Variants in SOX5 observed in about 807,000 individuals in gnomAD.
SOX5 encodes transcription factor SOX-5.
Under a neutral mutation model 92.0 loss-of-function variants are expected in SOX5, and 9 were observed. The ratio of observed to expected loss-of-function variants is 0.10; its 90% CI spans 0.06 to 0.17. The LOEUF (loss-of-function observed/expected upper bound fraction) is 0.17, where lower values mean the gene tolerates loss of function less well. Ranked by LOEUF, SOX5 falls within the 10% of genes least tolerant of loss-of-function variation. SOX5 has a pLI of 1.00. For synonymous variants in SOX5, 344 were observed against 336.3 expected, an observed-to-expected ratio of 1.02 and a Z score of -0.25; for missense variants, 642 against 944.5, an observed-to-expected ratio of 0.68 and a Z score of 4.20.
At chr12:23,772,788 C>G (rs2094975619) in intron 3 of SOX5, among the ~76,000 whole-genome samples, 1 of 152,098 alleles carries the variant, frequency 6.6e-6, no homozygotes, top group Non-Finnish European at 1.5e-5. Flanking sequence ...AAGTGAGGTA[C>G]CTCAATATAC....
At chr12:24,033,738 G>A (rs1955738266) in intron 4 of SOX5, among the ~76,000 whole-genome samples, 1 of 151,990 alleles carries the variant, frequency 6.6e-6, no homozygotes, top group Admixed American at 6.6e-5. Context: ...AAATCCGTCT[G>A]TAGGTAGAAC....
At chr12:24,099,245 T>G (rs544677007) in intron 4 of SOX5, among the ~76,000 whole-genome samples, 116 of 152,320 alleles carry the variant, frequency 7.6e-4, no homozygotes, top group African/African-American at 2.7e-3. Context: ...CTTGGAATTG[T>G]TGGCCCTACC....
At chr12:24,234,336 T>G (rs1964016439) in intron 3 of SOX5, among the ~76,000 whole-genome samples, 3 of 152,204 alleles carry the variant, frequency 2.0e-5, no homozygotes, top group African/African-American at 7.2e-5. Flanking sequence ...TTTCAATCAG[T>G]AGAATGTAAA....
At chr12:24,131,180 T>A (rs1476599785) in intron 4 of SOX5, among the ~76,000 whole-genome samples, 1 of 152,206 alleles carries the variant, frequency 6.6e-6, no homozygotes, top group Non-Finnish European at 1.5e-5. Context: ...CCAGAAAGCA[T>A]AAAATGTTCT....
chr12:23,554,226 T>A (rs1157685243), intron 11 of SOX5, among the ~76,000 whole-genome samples: 1 of 152,052 alleles, frequency 6.6e-6, no homozygotes, highest in Non-Finnish European at 1.5e-5. Flanking sequence ...TGGTTCTTTC[T>A]CCAGTGATGG....
At chr12:24,514,230 T>G (rs4614552) in intron 1 of SOX5, among the ~76,000 whole-genome samples, 76,573 of 152,022 alleles carry the variant, frequency 0.5, 20,512 homozygotes, top group East Asian at 0.89. Flanking sequence ...AGTTTCTATT[T>G]TAGTCTTACA....
At chr12:24,204,929 G>A (rs1957875259) in intron 4 of SOX5, among the ~76,000 whole-genome samples, 1 of 152,046 alleles carries the variant, frequency 6.6e-6, no homozygotes. Flanking sequence ...TAAGGAAAAG[G>A]TTTACATAAA....
intron 1 of SOX5, among the ~76,000 whole-genome samples, chr12:24,549,639 G>T (rs1159979358): frequency 1.3e-5 from 2 of 152,104 alleles, no homozygotes; most frequent in Non-Finnish European, 2.9e-5. Flanking sequence ...AGATAGTTTG[G>T]GAGTCATCTG....
intron 4 of SOX5, among the ~76,000 whole-genome samples, chr12:24,139,027 C>T (rs1379962792): frequency 1.3e-5 from 2 of 152,122 alleles, no homozygotes; most frequent in Non-Finnish European, 1.5e-5. Flanking sequence ...CTGCGAAACA[C>T]CAGACAACAG....
rs987599815 is a variant in SOX5, at chr12:24,009,800, C to T, written c.-1-113776G>A. Among the ~76,000 whole-genome samples the T allele has an allele frequency of 4.6e-5, 7 of 152,202 alleles. 1 individual carries two copies. Among genetic ancestry groups the T allele is most frequent in the Admixed American group, 4.6e-4 (7 of 15,282 alleles). The stretch of plus-strand genomic sequence containing the variant: ...ATTTAAGAATATGTTTAAATCTGTG[C>T]TTGGTCAAAATGGTATTGGGTTCCC... On this transcript the variant is annotated intron_variant, in intron 4 of 4. Coordinates refer to the SOX5 transcript ENST00000446891.
At chr12:24,167,004 T>C (rs895923337) in intron 4 of SOX5, among the ~76,000 whole-genome samples, 1 of 152,204 alleles carries the variant, frequency 6.6e-6, no homozygotes, top group African/African-American at 2.4e-5. Flanking sequence ...GAGGAAAATA[T>C]GCTTTTGAAG....
intron 7 of SOX5, among the ~76,000 whole-genome samples, chr12:23,663,958 C>G (rs964561603): frequency 1.3e-5 from 2 of 151,932 alleles, no homozygotes; most frequent in African/African-American, 4.8e-5. Context: ...CCATTTAAAA[C>G]GCAGGACACC....
chr12:24,186,191 A>C (rs996535805), intron 4 of SOX5, among the ~76,000 whole-genome samples: 1 of 152,194 alleles, frequency 6.6e-6, no homozygotes, highest in African/African-American at 2.4e-5. Flanking sequence ...CAACAAAAAA[A>C]CAACACTGGA....
intron 1 of SOX5, among the ~76,000 whole-genome samples, chr12:24,539,030 T>A (rs1459292996): frequency 2.0e-5 from 3 of 152,122 alleles, no homozygotes; most frequent in African/African-American, 7.2e-5. Flanking sequence ...ATAAGTAACA[T>A]AAATTTACCA....
Position 23,963,505 on chromosome 12 carries a change from G to A in SOX5, c.-1-67481C>T, listed in dbSNP as rs143894686. ...GGAATGTCCTTGATCCTTGAATCTG[G>A]CATTTCCATATAGGAGCAAAATTCA... On this transcript the variant is annotated intron_variant, in intron 4 of 4. Transcript: ENST00000446891. Among the ~76,000 whole-genome samples the A allele has an allele frequency of 5.1e-3, 777 of 152,166 alleles. 4 individuals carry two copies. The highest frequency in any genetic ancestry group is 0.013 in the South Asian group (65 of 4,824).
intron 4 of SOX5, among the ~76,000 whole-genome samples, chr12:24,166,163 A>C (rs928480952): frequency 6.6e-6 from 1 of 152,096 alleles, no homozygotes; most frequent in Non-Finnish European, 1.5e-5. Flanking sequence ...GGGAATGACA[A>C]ATGGGTTTTG....
At chr12:23,972,279 T>C (rs1948430139) in intron 4 of SOX5, among the ~76,000 whole-genome samples, 1 of 152,206 alleles carries the variant, frequency 6.6e-6, no homozygotes, top group African/African-American at 2.4e-5. Flanking sequence ...TATCAGATTA[T>C]GAAACTAAAA....
At chr12:24,378,723 A>T (rs956943564) in intron 1 of SOX5, among the ~76,000 whole-genome samples, 2 of 152,242 alleles carry the variant, frequency 1.3e-5, no homozygotes, top group African/African-American at 4.8e-5. Context: ...AAGTGGAGCT[A>T]TGACATCTCA....
chr12:24,410,108 C>A (rs960094439), intron 1 of SOX5, among the ~76,000 whole-genome samples: 1 of 152,016 alleles, frequency 6.6e-6, no homozygotes, highest in African/African-American at 2.4e-5. Context: ...GGTGATCCTC[C>A]CACCTCAGCC....
Sources: allele counts gnomAD v4.1 joint callset (sites outside exome capture counted in the v4.1 genomes callset), GRCh38; gene constraint gnomAD v4.1.1; transcripts MANE v1.5; gene names NCBI Gene and HGNC (gene_info 2026-07-23, HGNC 2026-07-21).